The following MACROD2 variants were observed in gnomAD, a reference collection of about 807,000 sequenced individuals.
The protein encoded by MACROD2 is ADP-ribose glycohydrolase MACROD2.
MACROD2 carries 36 observed loss-of-function variants against 70.4 expected under a neutral mutation model. That is an observed-to-expected ratio of 0.51 (90% CI 0.39 to 0.68). The LOEUF is 0.68. Among genes scored for constraint, MACROD2 ranks in the 30% least tolerant of loss-of-function variants. The pLI is 0.00. For missense variants in MACROD2, 496 were observed against 538.4 expected (o/e 0.92, Z 0.78); for synonymous variants, 172 against 178.8 (o/e 0.96, Z 0.30).
chr20:15,399,662 A>C (rs1600353673), intron 6 of MACROD2, among the ~76,000 whole-genome samples: 1 of 152,358 alleles, frequency 6.6e-6, no homozygotes, highest in East Asian at 1.9e-4. Flanking sequence ...AAGCATTTTA[A>C]GTGAAAGAAA....
intron 8 of MACROD2, among the ~76,000 whole-genome samples, chr20:15,665,607 TTGTC>T (rs887287206): frequency 5.9e-5 from 9 of 152,172 alleles, no homozygotes; most frequent in Admixed American, 2.0e-4. Context: ...GAGTCAGAAT[TTGTC>T]TGTGCTTCTT....
chr20:15,629,990 C>A (rs552352778), intron 8 of MACROD2, among the ~76,000 whole-genome samples: 2 of 151,912 alleles, frequency 1.3e-5, no homozygotes, highest in Non-Finnish European at 2.9e-5. Flanking sequence ...ATTTTTTTTC[C>A]GTTCTCATTC....
chr20:14,861,622 A>G (rs1444133830), intron 5 of MACROD2, among the ~76,000 whole-genome samples: 3 of 151,814 alleles, frequency 2.0e-5, no homozygotes, highest in Non-Finnish European at 4.4e-5. Flanking sequence ...TGGGTGAATA[A>G]CCAGCACAGA....
chr20:14,933,909 CTT>C (rs1275780746), intron 5 of MACROD2: 13 of 152,144 alleles, frequency 8.5e-5, no homozygotes, highest in African/African-American at 2.9e-4. Context: ...TAGGGATGCT[CTT>C]TATAGGTGAT....
chr20:15,082,204 A>G (rs2075708725), intron 5 of MACROD2, among the ~76,000 whole-genome samples: 1 of 152,214 alleles, frequency 6.6e-6, no homozygotes. Context: ...AACCAATTCA[A>G]GGTATCAGAA....
chr20:15,471,140 A>C (rs890738561), intron 7 of MACROD2, among the ~76,000 whole-genome samples: 1 of 152,112 alleles, frequency 6.6e-6, no homozygotes, highest in African/African-American at 2.4e-5. Context: ...ACTGCTACTC[A>C]TATTTTCCAA....
At position 15,351,768 on chromosome 20, in the gene MACROD2, C is replaced by A. The variant is rs552079510; in HGVS notation, c.541-79637C>A. On this transcript the variant is annotated intron_variant, in intron 6 of 17. Transcript: ENST00000684519. ...CCCACAAACATGGCTATCTGGCTAA[C>A]TTTTAGCACAAATGAAAACCAAGGT... Among the ~76,000 whole-genome samples, 3 of 152,184 alleles carry A rather than the reference C, an allele frequency of 2.0e-5. No individual in the cohort carries two copies. In the East Asian group the frequency reaches 5.8e-4, roughly 29 times the overall value.
intron 6 of MACROD2, among the ~76,000 whole-genome samples, chr20:15,423,634 A>G (rs1321571855): frequency 6.6e-6 from 1 of 151,936 alleles, no homozygotes; most frequent in Non-Finnish European, 1.5e-5. Context: ...GGAGAAAGAG[A>G]TAATCTTCCT....
At chr20:14,299,855 T>C (rs900589497) in intron 3 of MACROD2, among the ~76,000 whole-genome samples, 3 of 152,206 alleles carry the variant, frequency 2.0e-5, no homozygotes, top group African/African-American at 7.2e-5. Flanking sequence ...CCTTTTGATA[T>C]ATACAGAGAA....
intron 2 of MACROD2, among the ~76,000 whole-genome samples, chr20:14,057,507 G>C (rs2053644410): frequency 6.6e-6 from 1 of 152,172 alleles, no homozygotes; most frequent in Non-Finnish European, 1.5e-5. Context: ...CAGCAGAATG[G>C]CTAAAATTAG....
chr20:14,942,395 TCTC>T lies in MACROD2; in HGVS notation c.418+257439_418+257441del, dbSNP rs2074397830. On this transcript the variant is annotated intron_variant, in intron 5 of 17. Transcript: ENST00000684519. ...CCTTATCCTCCTTTTTTTTTCTCCT[TCTC>T]CTTCTTCTTCTCCTCTTCCTCCTTT... is the stretch of plus-strand genomic sequence containing the variant. 2.0e-5 allele frequency among the ~76,000 whole-genome samples: 3 copies of T among 151,798 alleles called. No homozygotes were observed. The South Asian group carries it at 6.2e-4, about 32-fold the overall frequency.
intron 12 of MACROD2, among the ~76,000 whole-genome samples, chr20:15,952,356 A>C (rs754274751): frequency 5.9e-5 from 9 of 152,002 alleles, no homozygotes; most frequent in Non-Finnish European, 1.0e-4. Context: ...GGTTTCCCTG[A>C]ATCTTCCTTC....
intron 8 of MACROD2, among the ~76,000 whole-genome samples, chr20:15,660,028 C>G (rs1181246223): frequency 6.6e-6 from 1 of 152,070 alleles, no homozygotes; most frequent in Non-Finnish European, 1.5e-5. Context: ...GAGTCTGTAT[C>G]TAGTTTGGGT....
intron 5 of MACROD2, among the ~76,000 whole-genome samples, chr20:14,688,415 A>C (rs1306047984): frequency 6.6e-6 from 1 of 152,156 alleles, no homozygotes; most frequent in Non-Finnish European, 1.5e-5. Flanking sequence ...GTGACTCATC[A>C]TAATTAGTAG....
intron 4 of MACROD2, among the ~76,000 whole-genome samples, chr20:14,546,937 C>T (rs1169980205): frequency 2.0e-5 from 3 of 150,090 alleles, no homozygotes; most frequent in Non-Finnish European, 4.4e-5. Flanking sequence ...TTTTTTTTTT[C>T]AAGATCTAAA....
At chr20:15,901,364 G>C (rs999577675) in intron 10 of MACROD2, among the ~76,000 whole-genome samples, 1 of 152,052 alleles carries the variant, frequency 6.6e-6, no homozygotes, top group African/African-American at 2.4e-5. Context: ...AAAGCAATAG[G>C]CATTCAGTAG....
intron 5 of MACROD2, among the ~76,000 whole-genome samples, chr20:15,163,742 A>G (rs536056889): frequency 1.3e-5 from 2 of 152,096 alleles, no homozygotes; most frequent in African/African-American, 4.8e-5. Flanking sequence ...CAAAAAGACA[A>G]TGTATGACAG....
intron 3 of MACROD2, among the ~76,000 whole-genome samples, chr20:14,372,008 T>C (rs927419608): frequency 6.6e-6 from 1 of 152,090 alleles, no homozygotes; most frequent in Non-Finnish European, 1.5e-5. Context: ...TTTGACTTCT[T>C]TGTGATTATT....
At chr20:14,287,554 A>G (rs975252455) in intron 3 of MACROD2, among the ~76,000 whole-genome samples, 2 of 152,210 alleles carry the variant, frequency 1.3e-5, no homozygotes, top group South Asian at 2.1e-4. Context: ...TTCTATTACT[A>G]TGTAATAAAT....
Sources: allele counts gnomAD v4.1 joint callset (sites outside exome capture counted in the v4.1 genomes callset), GRCh38; gene constraint gnomAD v4.1.1; transcripts MANE v1.5; gene names NCBI Gene and HGNC (gene_info 2026-07-23, HGNC 2026-07-21).